Variants in DZANK1 observed in about 807,000 individuals in gnomAD.
DZANK1 encodes double zinc ribbon and ankyrin repeat-containing protein 1.
Under a neutral mutation model 94.5 loss-of-function variants are expected in DZANK1, and 91 were observed. That is an observed-to-expected ratio of 0.96 (90% CI 0.81 to 1.15). The LOEUF (loss-of-function observed/expected upper bound fraction) is 1.15. DZANK1 is among the 50% of genes most tolerant of loss of function. The probability of loss-of-function intolerance (pLI) is 0.00; values close to 1 mark genes in which losing one functional copy is unlikely to be tolerated. For missense variants in DZANK1, 903 were observed against 916.4 expected (o/e 0.99, Z 0.19); for synonymous variants, 312 against 325.3 (o/e 0.96, Z 0.44).
chr20:18,401,255 A>C (rs945926633), intron 13 of DZANK1, among the ~76,000 whole-genome samples: 1 of 152,150 alleles, frequency 6.6e-6, no homozygotes, highest in Non-Finnish European at 1.5e-5. Flanking sequence ...TATTTCTAAA[A>C]TGAAATCTCA....
intron 3 of DZANK1, 132 bp from the exon 4 acceptor site, chr20:18,455,493 C>G: frequency 2.9e-6 from 2 of 692,058 alleles, no homozygotes; most frequent in Non-Finnish European, 4.9e-6. Context: ...TTGAAGAAAT[C>G]AAATGTAATT....
intron 2 of DZANK1, among the ~76,000 whole-genome samples, chr20:18,463,703 G>A (rs1012157881): frequency 6.6e-6 from 1 of 152,090 alleles, no homozygotes; most frequent in Non-Finnish European, 1.5e-5. Context: ...ACATTAAAAT[G>A]TTTAATTTGG....
At chr20:18,405,900 GA>G (rs1468211428) in intron 13 of DZANK1, among the ~76,000 whole-genome samples, 3 of 152,246 alleles carry the variant, frequency 2.0e-5, no homozygotes, top group African/African-American at 7.2e-5. Context: ...AGAGCACAGT[GA>G]CTGGGGGACT....
intron 2 of DZANK1, among the ~76,000 whole-genome samples, chr20:18,460,878 T>G (rs1349934527): frequency 6.6e-6 from 1 of 152,262 alleles, no homozygotes; most frequent in African/African-American, 2.4e-5. Context: ...TTGAATGAGC[T>G]CATTTCATCT....
chr20:18,412,135 G>A (rs1600841365), intron 13 of DZANK1, among the ~76,000 whole-genome samples: 1 of 151,912 alleles, frequency 6.6e-6, no homozygotes, highest in South Asian at 2.1e-4. Flanking sequence ...CACCACAAAT[G>A]ACTGCTTTAA....
intron 13 of DZANK1, among the ~76,000 whole-genome samples, chr20:18,400,417 T>C (rs958978447): frequency 5.9e-5 from 9 of 152,208 alleles, no homozygotes; most frequent in Non-Finnish European, 1.0e-4. Flanking sequence ...CCCTTGCCCA[T>C]GAGTGAGGGC....
chr20:18,459,407 T>C (rs553052949), intron 3 of DZANK1, among the ~76,000 whole-genome samples: 4 of 152,062 alleles, frequency 2.6e-5, no homozygotes, highest in African/African-American at 9.6e-5. Context: ...ATTCAGTCAG[T>C]GGGGGGTGGG....
chr20:18,403,869 G>A (rs918412337), intron 13 of DZANK1, among the ~76,000 whole-genome samples: 5 of 141,740 alleles, frequency 3.5e-5, no homozygotes, highest in African/African-American at 8.0e-5. Context: ...GCATGATCTC[G>A]GCTCACTGCA....
At chr20:18,436,376 G>A (rs1279333294) in intron 8 of DZANK1, among the ~76,000 whole-genome samples, 2 of 149,866 alleles carry the variant, frequency 1.3e-5, no homozygotes, top group South Asian at 2.1e-4. Flanking sequence ...CCCGGGAGGC[G>A]GAGCTTGCAG....
At chr20:18,416,708 G>T (rs746890018) in intron 10 of DZANK1, among the ~76,000 whole-genome samples, 1 of 152,022 alleles carries the variant, frequency 6.6e-6, no homozygotes, top group Non-Finnish European at 1.5e-5. Flanking sequence ...GGCCACATCA[G>T]CCCCCAGCAT....
chr20:18,451,805 T>G (rs984069756), intron 6 of DZANK1: 3 of 502,038 alleles, frequency 6.0e-6, no homozygotes, highest in Non-Finnish European at 1.2e-5. Flanking sequence ...GCCCGCCTCC[T>G]ATCCTGACCA....
intron 4 of DZANK1, chr20:18,454,134 C>T: frequency 2.3e-6 from 1 of 434,990 alleles, no homozygotes; most frequent in Non-Finnish European, 4.4e-6. Context: ...AGAGGGACCA[C>T]CAAGTCCAGA....
intron 15 of DZANK1, among the ~76,000 whole-genome samples, chr20:18,395,859 TAGATACTCCC>T (rs951162734): frequency 6.6e-5 from 10 of 152,220 alleles, no homozygotes; most frequent in Non-Finnish European, 1.0e-4. Context: ...ATTAGCTCGT[TAGATACTCCC>T]AGCCTCCCCA....
intron 3 of DZANK1, among the ~76,000 whole-genome samples, chr20:18,459,635 T>G (rs1280180968): frequency 6.6e-6 from 1 of 152,088 alleles, no homozygotes; most frequent in African/African-American, 2.4e-5. Context: ...GTTTCTATAT[T>G]TGAAAATGGG....
chr20:18,422,633 A>G (rs1327843737), intron 10 of DZANK1, among the ~76,000 whole-genome samples: 1 of 152,170 alleles, frequency 6.6e-6, no homozygotes, highest in African/African-American at 2.4e-5. Context: ...TTTCATGTTT[A>G]GACTTGGGTC....
At chr20:18,430,345 T>C (rs1308276597) in intron 9 of DZANK1, among the ~76,000 whole-genome samples, 1 of 152,198 alleles carries the variant, frequency 6.6e-6, no homozygotes, top group Non-Finnish European at 1.5e-5. Context: ...TCAGGAGTAT[T>C]TCAGACCTAA....
chr20:18,433,219 A>G (rs1168356129), intron 9 of DZANK1: 1 of 176,176 alleles, frequency 5.7e-6, no homozygotes, highest in Non-Finnish European at 1.2e-5. Flanking sequence ...AATAGAATGG[A>G]TTTTGTTCAT....
chr20:18,385,637 C>T (rs543863377), intron 19 of DZANK1, among the ~76,000 whole-genome samples: 15 of 152,190 alleles, frequency 9.9e-5, no homozygotes, highest in Non-Finnish European at 1.8e-4. Flanking sequence ...AGGATGGTAT[C>T]GGTCTCCTAA....
chr20:18,412,378 C>T (rs146550497), intron 13 of DZANK1, among the ~76,000 whole-genome samples: 22 of 152,194 alleles, frequency 1.4e-4, no homozygotes, highest in Non-Finnish European at 2.1e-4. Flanking sequence ...CATGCCGTCA[C>T]GACAAAAGAA....
Sources: allele counts gnomAD v4.1 joint callset (sites outside exome capture counted in the v4.1 genomes callset), GRCh38; gene constraint gnomAD v4.1.1; transcripts MANE v1.5; gene names NCBI Gene and HGNC (gene_info 2026-07-23, HGNC 2026-07-21).